MYO5B: variants seen among roughly 807,000 people sequenced by gnomAD.
MYO5B encodes the protein unconventional myosin-Vb.
MYO5B carries 143 observed loss-of-function variants against 229.3 expected under a neutral mutation model. The ratio of observed to expected loss-of-function variants is 0.62; its 90% CI spans 0.54 to 0.72. The LOEUF is 0.72. Among genes scored for constraint, MYO5B ranks in the 30% least tolerant of loss-of-function variants. MYO5B has a pLI of 0.00. For missense variants in MYO5B, 2,321 were observed against 2,331.0 expected, an observed-to-expected ratio of 1.00 and a Z score of 0.09; for synonymous variants, 918 against 885.2, an observed-to-expected ratio of 1.04 and a Z score of -0.66.
chr18:50,161,931 G>A (rs2032772923), intron 1 of MYO5B, among the ~76,000 whole-genome samples: 1 of 152,174 alleles, frequency 6.6e-6, no homozygotes, highest in African/African-American at 2.4e-5. Flanking sequence ...GGGAGGCTGA[G>A]GAACCTAGCC....
Position 50,180,942 on chromosome 18 carries a change from C to T in MYO5B, c.27+13825G>A, listed in dbSNP as rs572168117. The stretch of plus-strand genomic sequence containing the variant: ...TCCTTGGAATAGTCAAAAGGGTGCT[C>T]CCTGCTTTTGACAATCATGGATAAT... On this transcript the variant is annotated intron_variant, in intron 1 of 39. Coordinates refer to ENST00000285039, the MANE Select transcript of MYO5B (RefSeq NM_001080467.3). 3.3e-5 allele frequency among the ~76,000 whole-genome samples: 5 copies of T among 152,298 alleles called. No homozygotes were observed. The South Asian group carries it at 1.0e-3, about 32-fold the overall frequency.
At chr18:49,851,680 C>A (rs1206811854) in intron 31 of MYO5B, among the ~76,000 whole-genome samples, 3 of 618 alleles carry the variant, frequency 4.9e-3, no homozygotes. Flanking sequence ...CCCCTCTACA[C>A]AGACCCCTTT....
intron 16 of MYO5B, among the ~76,000 whole-genome samples, chr18:49,933,752 C>T (rs748836953): frequency 2.6e-5 from 4 of 152,104 alleles, no homozygotes; most frequent in Non-Finnish European, 5.9e-5. Context: ...TGAGCAACTC[C>T]GATTACAGGA....
chr18:50,039,623 G>T (rs897802091), intron 3 of MYO5B, among the ~76,000 whole-genome samples: 1 of 152,138 alleles, frequency 6.6e-6, no homozygotes, highest in Non-Finnish European at 1.5e-5. Context: ...GAGCCACTGC[G>T]CCCGGCGGAA....
intron 1 of MYO5B, among the ~76,000 whole-genome samples, chr18:50,149,970 TCAAA>T (rs1349524707): frequency 4.2e-5 from 6 of 144,030 alleles, no homozygotes; most frequent in African/African-American, 1.6e-4. Context: ...TACAATGAAC[TCAAA>T]CAAATTTACA....
chr18:49,986,006 C>T (rs1053393161), intron 7 of MYO5B, among the ~76,000 whole-genome samples: 7 of 152,158 alleles, frequency 4.6e-5, no homozygotes, highest in Non-Finnish European at 5.9e-5. Flanking sequence ...AAATCCACCT[C>T]GAAAATGCTA....
chr18:49,829,736 G>A lies in MYO5B; in HGVS notation c.5395-3113C>T, dbSNP rs553775215. On this transcript the variant is annotated intron_variant, in intron 39 of 39. Transcript: ENST00000285039. ...ACTGAATTCAGTAAAAGGTTAAAAG[G>A]ATTATACACCATGACCAAGCAAGAT... Among the ~76,000 whole-genome samples, 10 of 152,192 alleles carry A rather than the reference G, an allele frequency of 6.6e-5. No homozygotes were observed. The South Asian group carries it at 1.9e-3, about 28-fold the overall frequency.
chr18:50,030,897 A>G lies in MYO5B; in HGVS notation c.455+5953T>C, dbSNP rs1339409276. Among the ~76,000 whole-genome samples the G allele has an allele frequency of 5.9e-3, 866 of 145,992 alleles. 22 individuals are homozygous for G. The highest frequency in any genetic ancestry group is 0.021 in the African/African-American group (802 of 39,058). On this transcript the variant is annotated intron_variant, in intron 4 of 39. Coordinates refer to ENST00000285039, the MANE Select transcript of MYO5B (RefSeq NM_001080467.3). The stretch of plus-strand genomic sequence containing the variant: ...TTCAGAAAAAAAAAAAAAAAAAAAA[A>G]AAAAAAAAAAAAAAAAAAAGCACAA...
intron 14 of MYO5B, among the ~76,000 whole-genome samples, chr18:49,943,366 AAAAT>A (rs1437316646): frequency 6.6e-6 from 1 of 152,214 alleles, no homozygotes; most frequent in Non-Finnish European, 1.5e-5. Context: ...AATTAAAAAA[AAAAT>A]TTTCCTCCCT....
chr18:50,097,118 C>T (rs1466087538), intron 1 of MYO5B: 1 of 418,860 alleles, frequency 2.4e-6, no homozygotes, highest in Middle Eastern at 3.5e-4. Flanking sequence ...CTTGTCCTTC[C>T]TCCCCTATCT....
intron 30 of MYO5B, 54 bp downstream of exon 30, chr18:49,856,759 C>A: frequency 6.9e-7 from 1 of 1,448,946 alleles, no homozygotes; most frequent in Non-Finnish European, 9.7e-7. Context: ...TAAGCATAGA[C>A]ATGAGCAGGC....
At chr18:50,128,433 A>C (rs1329998177) in intron 1 of MYO5B, among the ~76,000 whole-genome samples, 1 of 152,202 alleles carries the variant, frequency 6.6e-6, no homozygotes, top group African/African-American at 2.4e-5. Context: ...CTTGAGAATC[A>C]CACAAAAGCA....
chr18:49,880,571 T>C, intron 22 of MYO5B, 116 bp from the exon 23 acceptor site: 2 of 853,506 alleles, frequency 2.3e-6, no homozygotes, highest in Non-Finnish European at 4.0e-6. Flanking sequence ...AGAAAATTGA[T>C]TTGGTTAAAG....
chr18:50,023,666 C>T (rs888394963), intron 4 of MYO5B, among the ~76,000 whole-genome samples: 7 of 152,120 alleles, frequency 4.6e-5, no homozygotes, highest in African/African-American at 1.7e-4. Flanking sequence ...AAGAGTTTAG[C>T]TTAGAGAAAA....
Position 49,837,726 on chromosome 18 carries a change from G to A in MYO5B, c.4929C>T (p.Ser1643=). The A allele has an allele frequency of 6.2e-7, 1 of 1,614,198 alleles. No individual in the cohort carries two copies. The highest frequency in any genetic ancestry group is 8.5e-7 in the Non-Finnish European group (1 of 1,180,026). ...VKPTGYRKRS[S]SMADGDNSYC... ...ATGAGTTATCCCCATCTGCCATGCT[G>A]GAGGAGCGCTTCCGGTAGCCGGTGG... is the stretch of plus-strand genomic sequence containing the variant. The change falls in exon 37 of 40, where the codon TCC becomes TCT. Residue 1643 remains serine (S), a synonymous_variant. Transcript: ENST00000285039.
chr18:50,188,816 A>AC (rs1236362807), intron 1 of MYO5B, among the ~76,000 whole-genome samples: 2 of 141,294 alleles, frequency 1.4e-5, no homozygotes, highest in African/African-American at 5.3e-5. Context: ...AAAAAAAAAA[A>AC]ACACACACAC....
intron 12 of MYO5B, among the ~76,000 whole-genome samples, chr18:49,961,603 C>A (rs1023125229): frequency 1.3e-5 from 2 of 152,266 alleles, no homozygotes; most frequent in East Asian, 1.9e-4. Context: ...CCTGGAGGAA[C>A]TGGTATATAT....
chr18:49,966,360 G>A (rs982954234), intron 10 of MYO5B, among the ~76,000 whole-genome samples: 1 of 152,174 alleles, frequency 6.6e-6, no homozygotes, highest in Non-Finnish European at 1.5e-5. Flanking sequence ...GGATGAAGGA[G>A]GCCACCCCTG....
intron 2 of MYO5B, among the ~76,000 whole-genome samples, chr18:50,054,678 G>A (rs1260529774): frequency 6.6e-6 from 1 of 152,134 alleles, no homozygotes; most frequent in Non-Finnish European, 1.5e-5. Context: ...GAAACAGCCT[G>A]AAGGTCAAAA....
Sources: gnomAD v4.1 joint callset for allele counts (sites outside exome capture counted in the v4.1 genomes callset) on GRCh38, gnomAD v4.1.1 for gene constraint, MANE v1.5 for transcripts, NCBI Gene and HGNC (gene_info 2026-07-23, HGNC 2026-07-21) for gene names.